Variants in ATP6V0D2 observed in about 807,000 individuals in gnomAD.
ATP6V0D2 encodes ATPase H+ transporting V0 subunit d2, also known as V-type proton ATPase subunit d 2.
A neutral mutation model predicts 40.0 loss-of-function variants in ATP6V0D2; 40 were observed. The ratio of observed to expected loss-of-function variants is 1.00; its 90% CI spans 0.78 to 1.30. ATP6V0D2 has a LOEUF of 1.30. ATP6V0D2 is among the 50% of genes most tolerant of loss of function. The probability of loss-of-function intolerance (pLI) is 0.00; values close to 1 mark genes in which losing one functional copy is unlikely to be tolerated. For synonymous variants in ATP6V0D2, 179 were observed against 156.3 expected (o/e 1.15, Z -1.08); for missense variants, 470 against 423.1 (o/e 1.11, Z -0.97).
intron 2 of ATP6V0D2, among the ~76,000 whole-genome samples, chr8:86,125,127 C>T (rs1001339949): frequency 9.2e-5 from 14 of 152,072 alleles, no homozygotes; most frequent in Admixed American, 7.9e-4. Context: ...TGCCACATGT[C>T]AGCAAAATCA....
At chr8:86,144,568 TA>T (rs1446301887) in intron 5 of ATP6V0D2, among the ~76,000 whole-genome samples, 1 of 152,166 alleles carries the variant, frequency 6.6e-6, no homozygotes, top group East Asian at 1.9e-4. Flanking sequence ...ATCTAATCAT[TA>T]AAATTTTACT....
chr8:86,150,685 C>T (rs987902356), intron 6 of ATP6V0D2, among the ~76,000 whole-genome samples: 5 of 152,122 alleles, frequency 3.3e-5, no homozygotes, highest in Admixed American at 2.0e-4. Context: ...AGCCACAGAA[C>T]GTCTAGGTGG....
intron 5 of ATP6V0D2, among the ~76,000 whole-genome samples, chr8:86,148,188 T>C (rs10283072): frequency 0.24 from 36,927 of 152,154 alleles, 5,966 homozygotes; most frequent in African/African-American, 0.46. Context: ...TTGCCCTAAT[T>C]TTTGTTTTAA....
intron 5 of ATP6V0D2, among the ~76,000 whole-genome samples, chr8:86,147,312 T>C (rs1300725442): frequency 3.9e-5 from 6 of 152,164 alleles, no homozygotes; most frequent in Admixed American, 2.6e-4. Flanking sequence ...GTGCAACCGA[T>C]AGTGATTTTG....
At chr8:86,129,818 G>A (rs1387172400) in intron 2 of ATP6V0D2, among the ~76,000 whole-genome samples, 1 of 145,970 alleles carries the variant, frequency 6.9e-6, no homozygotes, top group Non-Finnish European at 1.5e-5. Flanking sequence ...AAAAAAAAAA[G>A]GGAAAAAAAT....
At chr8:86,113,625 A>ATTAG in intron 1 of ATP6V0D2, 84 bp from the exon 2 acceptor site, 6 of 1,232,064 alleles carry the variant, frequency 4.9e-6, no homozygotes, top group Non-Finnish European at 6.8e-6. Context: ...GTAACACAAA[A>ATTAG]TTAGCATGAA....
At chr8:86,119,906 A>G (rs1225579192) in intron 2 of ATP6V0D2, among the ~76,000 whole-genome samples, 7 of 152,192 alleles carry the variant, frequency 4.6e-5, no homozygotes, top group Non-Finnish European at 1.0e-4. Context: ...TATTTGTTGA[A>G]TCAATATAGA....
chr8:86,121,373 C>T (rs1818667283), intron 2 of ATP6V0D2, among the ~76,000 whole-genome samples: 1 of 152,170 alleles, frequency 6.6e-6, no homozygotes, highest in Non-Finnish European at 1.5e-5. Context: ...AGTTTGAGAC[C>T]AGCCTAGCCA....
At chr8:86,128,198 A>G (rs1376611188) in intron 2 of ATP6V0D2, among the ~76,000 whole-genome samples, 1 of 152,114 alleles carries the variant, frequency 6.6e-6, no homozygotes, top group Admixed American at 6.5e-5. Context: ...AAATACAAAA[A>G]ATTAGCCGGG....
chr8:86,135,081 C>A (rs1253984669), intron 2 of ATP6V0D2, among the ~76,000 whole-genome samples: 11 of 152,268 alleles, frequency 7.2e-5, no homozygotes, highest in South Asian at 4.1e-4. Context: ...CCCTGGAGAG[C>A]TTCTTCACTG....
At chr8:86,119,696 G>A (rs1818643450) in intron 2 of ATP6V0D2, among the ~76,000 whole-genome samples, 1 of 152,040 alleles carries the variant, frequency 6.6e-6, no homozygotes, top group Non-Finnish European at 1.5e-5. Context: ...TAAAAATTAT[G>A]TACAAAAATA....
At chr8:86,099,852 T>G (rs1230579810) in intron 1 of ATP6V0D2, among the ~76,000 whole-genome samples, 1 of 152,212 alleles carries the variant, frequency 6.6e-6, no homozygotes, top group Non-Finnish European at 1.5e-5. Flanking sequence ...TTGGTTTCCT[T>G]TATAATCCTG....
At chr8:86,147,958 C>G (rs1441309813) in intron 5 of ATP6V0D2, among the ~76,000 whole-genome samples, 1 of 152,208 alleles carries the variant, frequency 6.6e-6, no homozygotes, top group Non-Finnish European at 1.5e-5. Flanking sequence ...AGCTGTCCTT[C>G]CCACTTCTCC....
intron 2 of ATP6V0D2, among the ~76,000 whole-genome samples, chr8:86,118,408 T>A (rs375042508): frequency 2.0e-5 from 3 of 151,992 alleles, no homozygotes; most frequent in East Asian, 3.9e-4. Context: ...GTATATGTGG[T>A]GTATTTTGTT....
At chr8:86,123,730 A>C (rs1460451218) in intron 2 of ATP6V0D2, among the ~76,000 whole-genome samples, 2 of 152,244 alleles carry the variant, frequency 1.3e-5, no homozygotes, top group African/African-American at 4.8e-5. Flanking sequence ...CAAAGAGACT[A>C]GGAAGACCAT....
At chr8:86,126,476 A>G (rs1586094046) in intron 2 of ATP6V0D2, among the ~76,000 whole-genome samples, 1 of 151,884 alleles carries the variant, frequency 6.6e-6, no homozygotes, top group East Asian at 1.9e-4. Context: ...TGAAATGAAC[A>G]TGTAAAACGA....
chr8:86,150,554 T>G (rs931335275), intron 6 of ATP6V0D2, among the ~76,000 whole-genome samples: 1 of 152,076 alleles, frequency 6.6e-6, no homozygotes, highest in Non-Finnish European at 1.5e-5. Context: ...TTGAAGTGTT[T>G]GATAAAGCAA....
chr8:86,121,984 A>G (rs1407587085), intron 2 of ATP6V0D2, among the ~76,000 whole-genome samples: 1 of 152,232 alleles, frequency 6.6e-6, no homozygotes. Context: ...AATACTTAAT[A>G]GCAGGAAGAT....
At chr8:86,149,014 T>A (rs2626344) in intron 5 of ATP6V0D2, among the ~76,000 whole-genome samples, 46 of 140,140 alleles carry the variant, frequency 3.3e-4, no homozygotes, top group African/African-American at 1.1e-3. Context: ...ACCACTGCAC[T>A]CCAGCCTGGA....
Sources: allele counts gnomAD v4.1 joint callset (sites outside exome capture counted in the v4.1 genomes callset), GRCh38; gene constraint gnomAD v4.1.1; transcripts MANE v1.5; gene names NCBI Gene and HGNC (gene_info 2026-07-23, HGNC 2026-07-21).